COG7: variants seen among roughly 807,000 people sequenced by gnomAD.
COG7 encodes the protein conserved oligomeric Golgi complex subunit 7.
A neutral mutation model predicts 91.5 loss-of-function variants in COG7; 49 were observed. The ratio of observed to expected loss-of-function variants is 0.54; its 90% CI spans 0.43 to 0.68. The LOEUF (loss-of-function observed/expected upper bound fraction) is 0.68, where lower values mean the gene tolerates loss of function less well. COG7 is among the 30% of genes least tolerant of loss of function. COG7 has a pLI of 0.00. For synonymous variants in COG7, 365 were observed against 388.7 expected (o/e 0.94, Z 0.72); for missense variants, 895 against 961.3 (o/e 0.93, Z 0.91).
chr16:23,434,751 C>T (rs778693400), intron 4 of COG7, 33 bp from the exon 5 acceptor site: 1 of 1,481,976 alleles, frequency 6.7e-7, no homozygotes, highest in East Asian at 2.3e-5. Context: ...ATACTGTTAC[C>T]AGCCTTTCTG....
At chr16:23,448,309 T>A (rs1596960417) in intron 1 of COG7, among the ~76,000 whole-genome samples, 1 of 152,162 alleles carries the variant, frequency 6.6e-6, no homozygotes, top group East Asian at 1.9e-4. Context: ...AAAAGTGTGA[T>A]TCTCTAATAA....
At chr16:23,395,340 T>A (rs1006077915) in intron 14 of COG7, among the ~76,000 whole-genome samples, 1 of 152,024 alleles carries the variant, frequency 6.6e-6, no homozygotes, top group Non-Finnish European at 1.5e-5. Flanking sequence ...CTACAATAAT[T>A]CCTCTCAACA....
chr16:23,392,795 G>C (rs1963221234), intron 15 of COG7, among the ~76,000 whole-genome samples: 1 of 152,096 alleles, frequency 6.6e-6, no homozygotes, highest in Admixed American at 6.5e-5. Context: ...GCCAGGCGTG[G>C]TGGTGCGCGC....
chr16:23,390,197 T>G (rs1006613601), intron 16 of COG7: 14 of 150,770 alleles, frequency 9.3e-5, no homozygotes, highest in African/African-American at 2.4e-4. Context: ...CTAGTTTTTT[T>G]TTTTTTTTTT....
chr16:23,397,964 A>T, intron 14 of COG7, 82 bp downstream of exon 14: 1 of 1,234,186 alleles, frequency 8.1e-7, no homozygotes, highest in East Asian at 2.3e-5. Flanking sequence ...CCATGGGGAA[A>T]TGACTATAAG....
At chr16:23,404,406 T>C (rs1353503232) in intron 12 of COG7, among the ~76,000 whole-genome samples, 3 of 152,252 alleles carry the variant, frequency 2.0e-5, no homozygotes, top group Non-Finnish European at 4.4e-5. Context: ...TAAATCAGAT[T>C]AGCAATAAAG....
Position 23,416,960 on chromosome 16 carries a change from G to A in COG7, c.1292+7C>T. 6.2e-7 allele frequency: 1 copy of A among 1,614,198 alleles called. No homozygotes were observed. The highest frequency in any genetic ancestry group is 8.5e-7 in the Non-Finnish European group (1 of 1,180,014). On this transcript the variant is annotated splice_region_variant and intron_variant, in intron 9 of 16. Coordinates refer to ENST00000307149, the MANE Select transcript of COG7 (RefSeq NM_153603.4). ...GGCCCGTCTGGTCCCCAGTTCCCCA[G>A]CCTTACTTGGCAAAGAGGGATTTCA...
chr16:23,393,254 G>A lies in COG7; in HGVS notation c.1981C>T (p.Leu661=), dbSNP rs368520902. The change falls in exon 15 of 17, where the codon CTG becomes TTG. Residue 661 remains leucine (L), a synonymous_variant. Coordinates refer to ENST00000307149, the MANE Select transcript of COG7 (RefSeq NM_153603.4). ...TTACCCTGCTCAGGAGGAAATGGCA[G>A]CTTTCCAGCGTGCAATGCCAACTCT... The part of the protein sequence containing the change: ...ALELALHAGK[L]PFPPEQGDEL... 85 of 1,613,690 alleles carry A rather than the reference G, an allele frequency of 5.3e-5. No individual in the cohort carries two copies. The highest frequency in any genetic ancestry group is 5.1e-5 in the Non-Finnish European group (60 of 1,179,758).
chr16:23,409,973 C>T (rs1001245205), intron 11 of COG7, among the ~76,000 whole-genome samples: 1 of 152,208 alleles, frequency 6.6e-6, no homozygotes, highest in Non-Finnish European at 1.5e-5. Context: ...GTCCCAACAA[C>T]TAATTTATAA....
intron 13 of COG7, among the ~76,000 whole-genome samples, chr16:23,399,801 AAG>A (rs769312314): frequency 3.6e-4 from 55 of 152,264 alleles, no homozygotes; most frequent in Non-Finnish European, 7.5e-4. Context: ...GGGAAAAAGA[AAG>A]AGAGAGGAAA....
chr16:23,429,566 C>T (rs1963901847), intron 6 of COG7, among the ~76,000 whole-genome samples: 1 of 151,944 alleles, frequency 6.6e-6, no homozygotes, highest in African/African-American at 2.4e-5. Flanking sequence ...GAGTTCGAGA[C>T]CAGCCTGGCC....
chr16:23,392,351 C>T (rs1963212188), intron 16 of COG7, 29 bp downstream of exon 16: 4 of 1,613,868 alleles, frequency 2.5e-6, no homozygotes, highest in Non-Finnish European at 3.4e-6. Context: ...AGAGCTGTCC[C>T]TCCCACCGCC....
Position 23,425,573 on chromosome 16 carries a change from CA to C in COG7, c.811-627del, listed in dbSNP as rs1272823095. On this transcript the variant is annotated intron_variant, in intron 6 of 16. Transcript: ENST00000307149. ...CAGGCTAGTCTCAAACTCCTAGCCT[CA>C]AGTGATCCTCCTTCCTCAACTTCCC... is the stretch of plus-strand genomic sequence containing the variant. 2.6e-5 allele frequency among the ~76,000 whole-genome samples: 4 copies of C among 152,180 alleles called. No homozygotes were observed. In the South Asian group the frequency reaches 6.2e-4, roughly 24 times the overall value.
rs557303249 is a variant in COG7 at position 23,417,361 on chromosome 16, A to G, written c.1138-240T>C. The stretch of plus-strand genomic sequence containing the variant: ...GCATGATCGAATGTCTGTCTACTTG[A>G]TCCTAATGTTTTTCATTGCTTTCCT... On this transcript the variant is annotated intron_variant, in intron 8 of 16. Transcript: ENST00000307149. 4.6e-5 allele frequency: 26 copies of G among 564,042 alleles called. No homozygotes were observed. In the African/African-American group the frequency reaches 4.7e-4, roughly 10 times the overall value. 34.9% of individuals were successfully genotyped at this position (564,042 alleles called of 1,614,324 possible). A position where few individuals can be genotyped will look rare whatever the true frequency, so the allele number is the denominator to read the frequency against.
chr16:23,392,258 G>A lies in COG7; in HGVS notation c.2146+122C>T, dbSNP rs866723350. On this transcript the variant is annotated intron_variant, in intron 16 of 16. Transcript: ENST00000307149. ...ACCTGAATTTTCAACCAGCTTCAGA[G>A]CCAAATCCACAGCTGAAGCTAAGGG... is the stretch of plus-strand genomic sequence containing the variant. 2.7e-5 allele frequency: 42 copies of A among 1,541,350 alleles called. No homozygotes were observed. The Middle Eastern group carries it at 1.1e-3, about 41-fold the overall frequency.
chr16:23,430,760 C>T (rs900166443), intron 6 of COG7, among the ~76,000 whole-genome samples: 1 of 151,836 alleles, frequency 6.6e-6, no homozygotes, highest in African/African-American at 2.4e-5. Flanking sequence ...AGGCTGGTCT[C>T]GAACTCCTGA....
chr16:23,435,005 G>A (rs1406574702), intron 4 of COG7, among the ~76,000 whole-genome samples: 3 of 152,140 alleles, frequency 2.0e-5, no homozygotes, highest in Admixed American at 6.6e-5. Flanking sequence ...TACCAGATGG[G>A]AACTTTAAAA....
At position 23,388,942 on chromosome 16, in the gene COG7, G is replaced by A. The variant is rs1299896596; in HGVS notation, c.2291C>T (p.Thr764Ile). 1.9e-6 allele frequency: 3 copies of A among 1,614,036 alleles called. No individual in the cohort carries two copies. The highest frequency in any genetic ancestry group is 1.7e-5 in the Admixed American group (1 of 60,000). The change falls in exon 17 of 17, where the codon ACC becomes ATC. Residue 764 changes from threonine to isoleucine, a missense_variant. Physicochemically the swap from Thr to Ile is moderately conservative, Grantham distance 89 (BLOSUM62 -1). Coordinates refer to ENST00000307149, the MANE Select transcript of COG7 (RefSeq NM_153603.4). ...GGGTCAGTAATTCACACTCCGCATG[G>A]TGGCCACGGTGGTGGCCAGGCGACG... is the stretch of plus-strand genomic sequence containing the variant. ...LPRRLATTVA[T>I]MRSVNY
In COG7 at chr16:23,388,803, C is replaced by T; in HGVS notation, c.*117G>A. ...GCGTGAGCCACCGTGACCAGCTGAA[C>T]CAAGTCTTTTTAAAGTAACTTCTGC... On this transcript the variant is annotated 3_prime_UTR_variant, in exon 17 of 17. Coordinates refer to ENST00000307149, the MANE Select transcript of COG7 (RefSeq NM_153603.4). The T allele has an allele frequency of 6.4e-7, 1 of 1,559,136 alleles. No individual in the cohort carries two copies. The highest frequency in any genetic ancestry group is 8.7e-7 in the Non-Finnish European group (1 of 1,154,332).
Sources: gnomAD v4.1 joint callset for allele counts (sites outside exome capture counted in the v4.1 genomes callset) on GRCh38, gnomAD v4.1.1 for gene constraint, MANE v1.5 for transcripts, NCBI Gene and HGNC (gene_info 2026-07-23, HGNC 2026-07-21) for gene names.